MAST2: variants seen among roughly 807,000 people sequenced by gnomAD.
MAST2 encodes the protein microtubule-associated serine/threonine-protein kinase 2.
A neutral mutation model predicts 147.4 loss-of-function variants in MAST2; 70 were observed. The ratio of observed to expected loss-of-function variants is 0.47; its 90% CI spans 0.39 to 0.58. The LOEUF (loss-of-function observed/expected upper bound fraction) is 0.58, where lower values mean the gene tolerates loss of function less well. Among genes scored for constraint, MAST2 ranks in the 20% least tolerant of loss-of-function variants. The pLI, the probability that MAST2 is intolerant of heterozygous loss-of-function variation, is 0.00. For missense variants in MAST2, 2,080 were observed against 2,302.3 expected (o/e 0.90, Z 1.98); for synonymous variants, 869 against 896.8 (o/e 0.97, Z 0.55).
chr1:45,817,874 A>G (rs1279242274), intron 1 of MAST2, among the ~76,000 whole-genome samples: 1 of 152,228 alleles, frequency 6.6e-6, no homozygotes, highest in Non-Finnish European at 1.5e-5. Context: ...TAATCAAAAT[A>G]GGAACCATTA....
chr1:45,961,920 C>T (rs183970958), intron 5 of MAST2, among the ~76,000 whole-genome samples: 3 of 151,980 alleles, frequency 2.0e-5, no homozygotes, highest in Non-Finnish European at 4.4e-5. Context: ...ATCCCTCCCC[C>T]ATCCCCCCAC....
chr1:45,969,581 C>G (rs918049151), intron 5 of MAST2, among the ~76,000 whole-genome samples: 8 of 151,952 alleles, frequency 5.3e-5, no homozygotes, highest in African/African-American at 1.7e-4. Flanking sequence ...TACAAGGGAT[C>G]TAGGTTGCAC....
intron 4 of MAST2, among the ~76,000 whole-genome samples, chr1:45,889,692 A>T (rs1402312694): frequency 6.7e-6 from 1 of 150,030 alleles, no homozygotes; most frequent in African/African-American, 2.5e-5. Context: ...TGCAACCTCC[A>T]CCTCCTGGGT....
chr1:45,911,850 GTTATATTATTATTATTATTA>G (rs1651706298), intron 4 of MAST2, among the ~76,000 whole-genome samples: 1 of 133,250 alleles, frequency 7.5e-6, no homozygotes. Context: ...TATTATTATT[GTTATATTATTATTATTATTA>G]TTATTATTAT....
At chr1:45,993,837 CAA>C (rs1260638779) in intron 5 of MAST2, among the ~76,000 whole-genome samples, 1 of 152,110 alleles carries the variant, frequency 6.6e-6, no homozygotes, top group Non-Finnish European at 1.5e-5. Flanking sequence ...ATACTTCTGA[CAA>C]AATGGATACA....
At position 46,013,680 on chromosome 1, in the gene MAST2, C is replaced by CA. The variant is rs71587098; in HGVS notation, c.1188+2755dup. 3.3e-3 allele frequency among the ~76,000 whole-genome samples: 435 copies of CA among 132,306 alleles called. 2 individuals are homozygous for CA. Among genetic ancestry groups the CA allele is most frequent in the Non-Finnish European group, 4.4e-3 (264 of 60,382 alleles). The allele number at this position is 132,306 out of a possible 152,430, so 86.8% of individuals were successfully genotyped here. ...GGGCAATAAAAGTGAAACTCTGTCTCAAAAAAAAAAAAAAGAAAAGAAAAA... is the reference window on the plus strand; with the variant it reads ...GGGCAATAAAAGTGAAACTCTGTCTCAAAAAAAAAAAAAAAGAAAAGAAAAA... On this transcript the variant is annotated intron_variant, in intron 10 of 28. Transcript: ENST00000361297.
Position 46,002,877 on chromosome 1 carries a change from T to C in MAST2, c.741T>C (p.Thr247=), listed in dbSNP as rs775773882. ...SGYGTNTPSS[T]VSSSCSSQEK... ...ATGGAACTAACACTCCTAGCTCCACTGTCTCAGTAAGTAGCCAAATCTGTG... is the reference window on the plus strand; with the variant it reads ...ATGGAACTAACACTCCTAGCTCCACCGTCTCAGTAAGTAGCCAAATCTGTG... Residue 247 remains threonine (T), a synonymous_variant, in exon 7 of 29, where the codon ACT becomes ACC. Transcript: ENST00000361297. The C allele has an allele frequency of 6.2e-7, 1 of 1,614,092 alleles. No individual in the cohort carries two copies. Among genetic ancestry groups the C allele is most frequent in the Non-Finnish European group, 8.5e-7 (1 of 1,179,930 alleles).
At chr1:45,940,916 G>T (rs1273558534) in intron 4 of MAST2, among the ~76,000 whole-genome samples, 1 of 152,196 alleles carries the variant, frequency 6.6e-6, no homozygotes, top group Non-Finnish European at 1.5e-5. Context: ...ACCGCGCCTG[G>T]CCTATGAGGA....
rs1052798322 is a variant in MAST2, at chr1:46,031,574, T to A, written c.3176T>A (p.Leu1059His). The change falls in exon 24 of 29, where the codon CTC becomes CAC. Residue 1059 changes from leucine to histidine, a missense_variant. By Grantham distance (99) the Leu-to-His change is moderately conservative (BLOSUM62 -3). Around this residue, in one of 4 missense-constraint regions of MAST2, gnomAD observed 1,278 missense variants for 1,304.2 expected, o/e 0.98. Coordinates refer to ENST00000361297, the MANE Select transcript of MAST2 (RefSeq NM_015112.3). The surrounding 1 kb of genome is among the most constrained non-coding windows in gnomAD (Gnocchi z 4.1). ...KSASATALSL[L>H]IPSEHHTCSP... is the part of the protein sequence containing the mutation. The stretch of plus-strand genomic sequence containing the variant: ...GCCTCAGCCACAGCCCTCTCACTCC[T>A]CATTCCTTCGGGTGAGGCCCCTGGG... 6 of 1,612,086 alleles carry A rather than the reference T, an allele frequency of 3.7e-6. No homozygotes were observed. The highest frequency in any genetic ancestry group is 5.1e-6 in the Non-Finnish European group (6 of 1,178,468).
chr1:45,985,436 G>A (rs183316376), intron 5 of MAST2, among the ~76,000 whole-genome samples: 11 of 152,224 alleles, frequency 7.2e-5, no homozygotes, highest in Admixed American at 1.3e-4. Flanking sequence ...CCATCATCAC[G>A]ATCAAAATTG....
intron 5 of MAST2, among the ~76,000 whole-genome samples, chr1:45,975,520 A>AAAAAG (rs1644108210): frequency 1.4e-5 from 2 of 140,684 alleles, no homozygotes; most frequent in Admixed American, 7.2e-5. Flanking sequence ...AAAAAAAAAA[A>AAAAAG]AGCCAGGTGT....
intron 3 of MAST2, among the ~76,000 whole-genome samples, chr1:45,860,190 T>C (rs1490795304): frequency 7.4e-6 from 1 of 135,858 alleles, no homozygotes; most frequent in Non-Finnish European, 1.6e-5. Context: ...AACCCCTGTC[T>C]CTACTAAAAA....
chr1:45,871,506 G>A (rs1045272844), intron 3 of MAST2, among the ~76,000 whole-genome samples: 74 of 152,272 alleles, frequency 4.9e-4, no homozygotes, highest in Non-Finnish European at 7.5e-4. Context: ...AACTCTATAA[G>A]GAGAGTCACT....
Position 45,834,051 on chromosome 1 carries a change from C to G in MAST2, c.468+4470C>G, listed in dbSNP as rs79216809. On this transcript the variant is annotated intron_variant, in intron 3 of 28. Transcript: ENST00000361297. Reference sequence around the variant, plus strand: ...TACTGGAATAAACCTCAGTGTCTACCCTGCTTCTGGCTGTGACATTTCTGA... The same window carrying G: ...TACTGGAATAAACCTCAGTGTCTACGCTGCTTCTGGCTGTGACATTTCTGA... Among the ~76,000 whole-genome samples the G allele has an allele frequency of 1.6e-4, 24 of 152,144 alleles. No homozygotes were observed. In the East Asian group the frequency reaches 4.6e-3, roughly 29 times the overall value.
intron 4 of MAST2, among the ~76,000 whole-genome samples, chr1:45,918,953 T>C (rs1050773541): frequency 1.3e-5 from 2 of 151,956 alleles, no homozygotes; most frequent in African/African-American, 4.8e-5. Flanking sequence ...TGAAACCCCA[T>C]CTCTACAAAA....
At chr1:45,932,652 G>A (rs570086800) in intron 4 of MAST2, among the ~76,000 whole-genome samples, 10 of 152,250 alleles carry the variant, frequency 6.6e-5, no homozygotes, top group Admixed American at 6.5e-4. Context: ...TGGCCTGGGA[G>A]ACAGAGTGAG....
chr1:45,881,546 A>C (rs1483841996), intron 3 of MAST2, among the ~76,000 whole-genome samples: 2 of 152,202 alleles, frequency 1.3e-5, no homozygotes, highest in African/African-American at 4.8e-5. Context: ...AGCAAGTCAC[A>C]GGGGCCCCAG....
At chr1:45,973,714 AGGAAAACTTAGAATATATAGTGTCCT>A (rs1644020207) in intron 5 of MAST2, among the ~76,000 whole-genome samples, 1 of 152,224 alleles carries the variant, frequency 6.6e-6, no homozygotes, top group African/African-American at 2.4e-5. Flanking sequence ...AAAAGGAAAG[AGGAAAACTTAGAATATATAGTGTCCT>A]GGAAACCACA....
intron 3 of MAST2, among the ~76,000 whole-genome samples, chr1:45,864,308 A>G (rs549223359): frequency 6.6e-6 from 1 of 152,342 alleles, no homozygotes; most frequent in Non-Finnish European, 1.5e-5. Context: ...GAATTTGTCC[A>G]TGCTCAGAAC....
Sources: allele counts gnomAD v4.1 joint callset (sites outside exome capture counted in the v4.1 genomes callset), GRCh38; gene constraint gnomAD v4.1.1; regional missense constraint gnomAD v4.1.1; non-coding constraint Gnocchi (gnomAD v3.1); transcripts MANE v1.5; gene names NCBI Gene and HGNC (gene_info 2026-07-23, HGNC 2026-07-21).